The following SV2C variants were observed in gnomAD, a reference collection of about 807,000 sequenced individuals.
The protein encoded by SV2C is solute carrier family 22 member B3.
A neutral mutation model predicts 79.7 loss-of-function variants in SV2C; 49 were observed. That is an observed-to-expected ratio of 0.61 (90% confidence interval 0.49 to 0.78). The LOEUF is 0.78. Among genes scored for constraint, SV2C ranks in the 30% least tolerant of loss-of-function variants. SV2C has a pLI of 0.00. For synonymous variants in SV2C, 334 were observed against 333.2 expected (o/e 1.00, Z -0.03); for missense variants, 833 against 912.9 (o/e 0.91, Z 1.13).
chr5:76,184,861 A>C (rs1445530864), intron 2 of SV2C, among the ~76,000 whole-genome samples: 1 of 152,208 alleles, frequency 6.6e-6, no homozygotes, highest in Non-Finnish European at 1.5e-5. Context: ...AAACACAATC[A>C]TGCCCTTCCA....
rs1312741299 is a variant in SV2C, at chr5:76,352,956, TC to T, written c.2001-172del. On this transcript the variant is annotated intron_variant, in intron 12 of 12. Transcript: ENST00000322285. ...TTTTTACCTCTTTTTTTTTTTTTTT[TC>T]CTGAGACAAGGTCTTGCTCTGTTGC... Among the ~76,000 whole-genome samples the T allele has an allele frequency of 5.8e-4, 86 of 148,638 alleles. No homozygotes were observed. The South Asian group carries it at 0.013, about 23-fold the overall frequency.
the SV2C span, among the ~76,000 whole-genome samples, chr5:75,979,958 AATAATAC>A: frequency 6.6e-6 from 1 of 152,168 alleles, no homozygotes; most frequent in African/African-American, 2.4e-5. Flanking sequence ...TGAAAAAATT[AATAATAC>A]ATAGACTGCT....
At chr5:75,954,915 A>G in the SV2C span, among the ~76,000 whole-genome samples, 1 of 147,272 alleles carries the variant, frequency 6.8e-6, no homozygotes, top group Non-Finnish European at 1.5e-5. Flanking sequence ...AAATGGAAGA[A>G]CATTCCATGC....
intron 12 of SV2C, among the ~76,000 whole-genome samples, chr5:76,320,081 G>T (rs1748777641): frequency 6.6e-6 from 1 of 151,946 alleles, no homozygotes; most frequent in Non-Finnish European, 1.5e-5. Context: ...GGAGGCTGAG[G>T]TGGGAGGATT....
intron 4 of SV2C, among the ~76,000 whole-genome samples, chr5:76,275,994 T>C (rs977715032): frequency 1.3e-5 from 2 of 152,244 alleles, no homozygotes; most frequent in Admixed American, 1.3e-4. Flanking sequence ...AGAATCCATT[T>C]TACTAACTGC....
At chr5:75,910,565 C>T in the SV2C span, 21 of 681,364 alleles carry the variant, frequency 3.1e-5, no homozygotes, top group Non-Finnish European at 5.3e-5. Context: ...CTACTTCACC[C>T]AGTTCAGTGA....
At position 76,333,951 on chromosome 5, in the gene SV2C, A is replaced by T. The variant is rs543816635; in HGVS notation, c.*8404A>T. The T allele has an allele frequency of 3.3e-5, 5 of 152,146 alleles. No homozygotes were observed. Among genetic ancestry groups the T allele is most frequent in the African/African-American group, 1.2e-4 (5 of 41,434 alleles). 9.4% of individuals were successfully genotyped at this position (152,146 alleles called of 1,614,324 possible). ...TTTTTTTTTTGCTCCATTATATTCA[A>T]ATACAGATTGCTGTGTGACTGGCTT... On this transcript the variant is annotated 3_prime_UTR_variant, in exon 13 of 13. Transcript: ENST00000502798.
intron 4 of SV2C, chr5:76,242,548 C>T: frequency 2.5e-6 from 1 of 404,702 alleles, no homozygotes; most frequent in East Asian, 6.0e-5. Context: ...AGGAACCACA[C>T]TTTAAAAAAC....
At chr5:76,044,494 C>T in the SV2C span, among the ~76,000 whole-genome samples, 37 of 152,176 alleles carry the variant, frequency 2.4e-4, no homozygotes, top group Admixed American at 4.6e-4. Context: ...ACACTGTCTT[C>T]CACAATGGTT....
the SV2C span, among the ~76,000 whole-genome samples, chr5:75,878,800 A>G: frequency 6.6e-6 from 1 of 152,178 alleles, no homozygotes; most frequent in Non-Finnish European, 1.5e-5. Context: ...ACCATTTGTA[A>G]CAGGCAATTT....
chr5:76,314,691 G>C (rs1478700453), intron 12 of SV2C, among the ~76,000 whole-genome samples: 1 of 152,166 alleles, frequency 6.6e-6, no homozygotes, highest in Non-Finnish European at 1.5e-5. Context: ...ATGCGGCACA[G>C]AGAGGGGAAG....
the SV2C span, among the ~76,000 whole-genome samples, chr5:75,952,260 TTCCTTCCTTCCTTCC>T: frequency 9.3e-6 from 1 of 107,210 alleles, no homozygotes; most frequent in South Asian, 3.6e-4. Context: ...CCTTCCTTCC[TTCCTTCCTTCCTTCC>T]TTCCTTCCTT....
intron 6 of SV2C, among the ~76,000 whole-genome samples, chr5:76,288,241 T>C (rs1747420459): frequency 6.6e-6 from 1 of 152,216 alleles, no homozygotes; most frequent in African/African-American, 2.4e-5. Context: ...TCACTTCTGA[T>C]TAAATAGTCC....
At chr5:75,987,821 T>A in the SV2C span, among the ~76,000 whole-genome samples, 3 of 152,044 alleles carry the variant, frequency 2.0e-5, no homozygotes, top group African/African-American at 7.2e-5. Flanking sequence ...CCACTAATTG[T>A]CTTAGTTAAT....
chr5:76,324,818 T>C (rs1748939113), intron 12 of SV2C, among the ~76,000 whole-genome samples: 1 of 152,062 alleles, frequency 6.6e-6, no homozygotes, highest in Non-Finnish European at 1.5e-5. Flanking sequence ...ATTGTACCAG[T>C]GTACTCACCT....
intron 4 of SV2C, among the ~76,000 whole-genome samples, chr5:76,210,508 G>A (rs972783978): frequency 6.6e-6 from 1 of 152,232 alleles, no homozygotes; most frequent in Non-Finnish European, 1.5e-5. Context: ...GGCAAGGTAT[G>A]TGGGAAGAGG....
chr5:75,985,739 A>G, the SV2C span, among the ~76,000 whole-genome samples: 1 of 152,136 alleles, frequency 6.6e-6, no homozygotes, highest in Non-Finnish European at 1.5e-5. Flanking sequence ...GTTACTACTT[A>G]GTAACAAAGT....
intron 12 of SV2C, among the ~76,000 whole-genome samples, chr5:76,348,127 T>G (rs936703908): frequency 2.0e-5 from 3 of 152,220 alleles, no homozygotes; most frequent in Admixed American, 6.5e-5. Context: ...ATTTACTGTC[T>G]TCATATTTTG....
At chr5:76,123,850 G>A (rs1388617858) in intron 1 of SV2C, among the ~76,000 whole-genome samples, 1 of 152,156 alleles carries the variant, frequency 6.6e-6, no homozygotes, top group Non-Finnish European at 1.5e-5. Flanking sequence ...TCCTATTTGA[G>A]ATAGTCACTA....
Sources: gnomAD v4.1 joint callset for allele counts (sites outside exome capture counted in the v4.1 genomes callset) on GRCh38, gnomAD v4.1.1 for gene constraint, MANE v1.5 for transcripts, NCBI Gene and HGNC (gene_info 2026-07-23, HGNC 2026-07-21) for gene names.